WWTR1: variants seen among roughly 807,000 people sequenced by gnomAD.
WWTR1 encodes WW domain containing transcription regulator 1, also known as WW domain-containing transcription regulator protein 1.
Under a neutral mutation model 40.1 loss-of-function variants are expected in WWTR1, and 13 were observed. The observed-to-expected ratio is 0.32, with a 90% CI of 0.21 to 0.52. WWTR1 has a LOEUF of 0.52. Ranked by LOEUF, WWTR1 falls within the 20% of genes least tolerant of loss-of-function variation. The pLI is 0.97. For synonymous variants in WWTR1, 230 were observed against 210.1 expected, an observed-to-expected ratio of 1.09 and a Z score of -0.82; for missense variants, 436 against 523.1, an observed-to-expected ratio of 0.83 and a Z score of 1.63.
chr3:149,575,306 G>A (rs2108002477), intron 2 of WWTR1, among the ~76,000 whole-genome samples: 1 of 152,304 alleles, frequency 6.6e-6, no homozygotes, highest in South Asian at 2.1e-4. Context: ...TCCAAGTGAG[G>A]AACTAATTGA....
At position 149,620,844 on chromosome 3, in the gene WWTR1, C is replaced by G. The variant is rs534669279; in HGVS notation, c.431+36032G>C. Among the ~76,000 whole-genome samples, 11 of 152,288 alleles carry G rather than the reference C, an allele frequency of 7.2e-5. No homozygotes were observed. The South Asian group carries it at 1.5e-3, about 20-fold the overall frequency. ...CCTCTAGGATGCAGAGCTAGGAGAC[C>G]ACACACATCAGCCTTTACACAAGAA... On this transcript the variant is annotated intron_variant, in intron 2 of 6. Transcript: ENST00000360632.
At chr3:149,529,507 A>G (rs1017377574) in intron 4 of WWTR1, among the ~76,000 whole-genome samples, 1 of 152,236 alleles carries the variant, frequency 6.6e-6, no homozygotes, top group Non-Finnish European at 1.5e-5. Context: ...CAAATAATCA[A>G]ATACTTAACT....
chr3:149,627,659 G>A (rs913685666), intron 2 of WWTR1, among the ~76,000 whole-genome samples: 1 of 152,124 alleles, frequency 6.6e-6, no homozygotes, highest in Admixed American at 6.5e-5. Flanking sequence ...AAATCACAGC[G>A]GGGTTCACCT....
rs370726470 is a variant in WWTR1, at chr3:149,698,292, T to C, written c.-108+4832A>G. Among the ~76,000 whole-genome samples, 189 of 152,224 alleles carry C rather than the reference T, an allele frequency of 1.2e-3. 5 individuals are homozygous for C. The South Asian group carries it at 0.038, about 31-fold the overall frequency. Reference sequence around the variant, plus strand: ...ACTGTTCTCGTGATAGTGAGTGAGTTCTCACGAGATCTGATAGTTTTCTAA... The same window carrying C: ...ACTGTTCTCGTGATAGTGAGTGAGTCCTCACGAGATCTGATAGTTTTCTAA... On this transcript the variant is annotated intron_variant, in intron 1 of 7. Coordinates refer to the WWTR1 transcript ENST00000465804.
In WWTR1 at chr3:149,622,556, C is replaced by CCTT. The variant is rs1232550695; in HGVS notation, c.431+34319_431+34320insAAG. On this transcript the variant is annotated intron_variant, in intron 2 of 6. Coordinates refer to ENST00000360632, the MANE Select transcript of WWTR1 (RefSeq NM_015472.6). Reference sequence around the variant, plus strand: ...AAGAAAGAAAGAAAAAGAAAGCAAGCAAGTGAGCGTGCGTCCAGGCGCAGT... The same window carrying CCTT: ...AAGAAAGAAAGAAAAAGAAAGCAAGCCTTAAGTGAGCGTGCGTCCAGGCGCAGT... 5.2e-4 allele frequency among the ~76,000 whole-genome samples: 66 copies of CCTT among 127,876 alleles called. No individual in the cohort carries two copies. In the East Asian group the frequency reaches 0.013, roughly 25 times the overall value. 83.9% of individuals were successfully genotyped at this position (127,876 alleles called of 152,430 possible). A position where few individuals can be genotyped will look rare whatever the true frequency, so the allele number is the denominator to read the frequency against.
chr3:149,698,364 T>C (rs971100531), intron 1 of WWTR1, among the ~76,000 whole-genome samples: 17 of 152,270 alleles, frequency 1.1e-4, no homozygotes, highest in African/African-American at 1.9e-4. Flanking sequence ...CCTGCCACCA[T>C]GTAAGACGTG....
chr3:149,678,235 A>G (rs548534058), intron 1 of WWTR1, among the ~76,000 whole-genome samples: 2 of 152,318 alleles, frequency 1.3e-5, no homozygotes, highest in South Asian at 4.1e-4. Context: ...ACACTTATAC[A>G]CAGTGATTAT....
rs1229978212 is a variant in WWTR1 at position 149,527,746 on chromosome 3, A to G, written c.905+90T>C. The G allele has an allele frequency of 3.2e-6, 5 of 1,577,580 alleles. No homozygotes were observed. In the African/African-American group the frequency reaches 6.8e-5, roughly 21 times the overall value. The stretch of plus-strand genomic sequence containing the variant: ...CTCACCCTCAACCCTCAAGCTCCCC[A>G]CCTCTTCCCAATGTAAACAAAGATC... On this transcript the variant is annotated intron_variant, in intron 5 of 6. Transcript: ENST00000360632.
chr3:149,559,259 ACTCCAG>A (rs1736980271), intron 3 of WWTR1, among the ~76,000 whole-genome samples: 1 of 143,852 alleles, frequency 7.0e-6, no homozygotes, highest in Non-Finnish European at 1.5e-5. Context: ...ATGCCACTGC[ACTCCAG>A]CCTGGGCAAC....
chr3:149,598,338 T>G (rs1480486853), intron 2 of WWTR1, among the ~76,000 whole-genome samples: 1 of 152,222 alleles, frequency 6.6e-6, no homozygotes, highest in Non-Finnish European at 1.5e-5. Flanking sequence ...ATTATCTCAT[T>G]TAATACTCAC....
At chr3:149,582,725 G>T (rs895243122) in intron 2 of WWTR1, among the ~76,000 whole-genome samples, 6 of 150,682 alleles carry the variant, frequency 4.0e-5, no homozygotes, top group African/African-American at 1.5e-4. Context: ...GCAAAACTCT[G>T]TCTCAAAAAT....
At chr3:149,595,308 T>C (rs140782982) in intron 2 of WWTR1, among the ~76,000 whole-genome samples, 1 of 152,232 alleles carries the variant, frequency 6.6e-6, no homozygotes, top group African/African-American at 2.4e-5. Flanking sequence ...TGAACCTAGA[T>C]AAAGAGCAAA....
At chr3:149,652,210 C>T (rs765089542) in intron 2 of WWTR1, among the ~76,000 whole-genome samples, 43 of 151,814 alleles carry the variant, frequency 2.8e-4, no homozygotes, top group Non-Finnish European at 5.3e-4. Context: ...AGCACAAATA[C>T]AGGTTATGGG....
chr3:149,639,664 C>T (rs192058768), intron 2 of WWTR1, among the ~76,000 whole-genome samples: 36 of 152,182 alleles, frequency 2.4e-4, no homozygotes, highest in Non-Finnish European at 4.1e-4. Context: ...CCCCACTTCT[C>T]AAGAAATCAC....
intron 4 of WWTR1, chr3:149,540,941 T>C (rs972550648): frequency 1.1e-5 from 5 of 442,420 alleles, no homozygotes; most frequent in African/African-American, 8.1e-5. Context: ...TGATGAGAAA[T>C]ACATTATTCA....
chr3:149,677,063 T>C (rs6779692), intron 1 of WWTR1, among the ~76,000 whole-genome samples: 55,998 of 151,578 alleles, frequency 0.37, 10,727 homozygotes, highest in Middle Eastern at 0.54. Context: ...ATTACAGGCA[T>C]GCGCCACCAC....
intron 4 of WWTR1, among the ~76,000 whole-genome samples, chr3:149,540,831 A>G (rs980061242): frequency 1.3e-5 from 2 of 152,130 alleles, no homozygotes; most frequent in Admixed American, 6.6e-5. Context: ...ATTTATATTC[A>G]TTTTCCTTAT....
chr3:149,658,045 G>A (rs976930308), upstream of WWTR1: 3 of 152,860 alleles, frequency 2.0e-5, no homozygotes, highest in Non-Finnish European at 4.4e-5. Flanking sequence ...ACAAAGTTTG[G>A]AGCAAACTCC....
chr3:149,651,434 C>G (rs949747977), intron 2 of WWTR1, among the ~76,000 whole-genome samples: 3 of 152,106 alleles, frequency 2.0e-5, no homozygotes, highest in African/African-American at 7.2e-5. Context: ...CAGTTCAGAA[C>G]GGCACAGAAC....
Sources: gnomAD v4.1 joint callset for allele counts (sites outside exome capture counted in the v4.1 genomes callset) on GRCh38, gnomAD v4.1.1 for gene constraint, MANE v1.5 for transcripts, NCBI Gene and HGNC (gene_info 2026-07-23, HGNC 2026-07-21) for gene names.